The following EPHA10 variants were observed in gnomAD, a reference collection of about 807,000 sequenced individuals.
EPHA10 encodes the protein EPH receptor A10, also known as ephrin type-A receptor 10.
A neutral mutation model predicts 109.7 loss-of-function variants in EPHA10; 120 were observed. That is an observed-to-expected ratio of 1.09 (90% CI 0.94 to 1.27). The LOEUF (loss-of-function observed/expected upper bound fraction) is 1.27, where lower values mean the gene tolerates loss of function less well. EPHA10 is among the 50% of genes most tolerant of loss of function. The pLI, the probability that EPHA10 is intolerant of heterozygous loss-of-function variation, is 0.00. For synonymous variants in EPHA10, 640 were observed against 618.9 expected, an observed-to-expected ratio of 1.03 and a Z score of -0.51; for missense variants, 1,396 against 1,411.1, an observed-to-expected ratio of 0.99 and a Z score of 0.17.
intron 5 of EPHA10, among the ~76,000 whole-genome samples, chr1:37,745,879 T>C (rs1162229194): frequency 6.6e-6 from 1 of 151,992 alleles, no homozygotes; most frequent in Non-Finnish European, 1.5e-5. Context: ...CAAAGGTGGC[T>C]TTCCTAACAA....
chr1:37,718,954 T>A, intron 15 of EPHA10, 138 bp from the exon 16 acceptor site: 2 of 1,106,166 alleles, frequency 1.8e-6, no homozygotes, highest in Non-Finnish European at 1.3e-6. Context: ...CTGGCTCACA[T>A]GAGCACTGTG....
chr1:37,716,121 G>A lies in EPHA10; in HGVS notation c.*2251C>T, dbSNP rs1645687719. ...GGCTTGCAGGCCACCTCTGTCCAGT[G>A]AACAAGTTCCATATAAAAATAGATC... On this transcript the variant is annotated 3_prime_UTR_variant, in exon 17 of 17. Transcript: ENST00000373048. 1 of 439,716 alleles carries A rather than the reference G, an allele frequency of 2.3e-6. No individual in the cohort carries two copies. The allele number at this position is 439,716 out of a possible 1,614,324, so 27.2% of individuals were successfully genotyped here.
At chr1:37,744,499 A>G (rs973881568) in intron 5 of EPHA10, among the ~76,000 whole-genome samples, 1 of 138,732 alleles carries the variant, frequency 7.2e-6, no homozygotes, top group Non-Finnish European at 1.5e-5. Context: ...CAGCCCATCT[A>G]AAAAAAAAAA....
In EPHA10 at chr1:37,717,355, A is replaced by G. The variant is rs534058445; in HGVS notation, c.*1017T>C. ...GGCTGTACAGGGAAGTGGTGGTGCC[A>G]TAGGGCAGGACCAAGGACTCTCTCC... On this transcript the variant is annotated 3_prime_UTR_variant, in exon 17 of 17. Coordinates refer to ENST00000373048, the MANE Select transcript of EPHA10 (RefSeq NM_001099439.2). 2.2e-5 allele frequency: 5 copies of G among 232,368 alleles called. No individual in the cohort carries two copies. Among genetic ancestry groups the G allele is most frequent in the African/African-American group, 8.8e-5 (4 of 45,376 alleles). The allele number at this position is 232,368 out of a possible 1,614,324, so 14.4% of individuals were successfully genotyped here.
chr1:37,753,700 GCA>G (rs1646365030), intron 4 of EPHA10, among the ~76,000 whole-genome samples: 3 of 99,776 alleles, frequency 3.0e-5, no homozygotes, highest in Non-Finnish European at 4.7e-5. Flanking sequence ...GCGAGCGGGA[GCA>G]GGGGTGAGTG....
chr1:37,729,810 C>T (rs1334692831), intron 7 of EPHA10, among the ~76,000 whole-genome samples: 2 of 151,724 alleles, frequency 1.3e-5, no homozygotes, highest in Non-Finnish European at 2.9e-5. Flanking sequence ...AAAGTTGAGG[C>T]TGCAGGGAGC....
At chr1:37,747,732 C>A (rs1176842362) in intron 5 of EPHA10, among the ~76,000 whole-genome samples, 1 of 151,882 alleles carries the variant, frequency 6.6e-6, no homozygotes, top group Non-Finnish European at 1.5e-5. Flanking sequence ...GGTGCCACTG[C>A]ACTCCAGCCT....
Position 37,721,745 on chromosome 1 carries a change from CTGT to C in EPHA10, c.2058_2060del (p.Gln687del). On this transcript the variant is annotated inframe_deletion, in exon 11 of 17. Transcript: ENST00000373048. ...GGGCCTCGGCCAGGAAGCCGAGCCT[CTGT>C]GAGTCGGAGGCGCTGTCCCTCAGCA... 1 of 1,612,756 alleles carries C rather than the reference CTGT, an allele frequency of 6.2e-7. No homozygotes were observed. The highest frequency in any genetic ancestry group is 8.5e-7 in the Non-Finnish European group (1 of 1,179,898).
intron 5 of EPHA10, among the ~76,000 whole-genome samples, chr1:37,740,663 G>A (rs943550828): frequency 2.6e-5 from 4 of 152,078 alleles, no homozygotes; most frequent in African/African-American, 7.2e-5. Context: ...TTTGAGAACC[G>A]CCAGTCTGGA....
At chr1:37,751,770 G>A (rs1228258293) in intron 5 of EPHA10, among the ~76,000 whole-genome samples, 3 of 151,752 alleles carry the variant, frequency 2.0e-5, no homozygotes, top group Admixed American at 6.6e-5. Context: ...CTACTCGGGA[G>A]GCTAAGGCAG....
At position 37,723,051 on chromosome 1, in the gene EPHA10, G is replaced by T. The variant is rs966432285; in HGVS notation, c.1950C>A (p.Ser650Arg). ...GGGCGCCCAGCTTGCCTCCTCCAAGGCTCCTCTCCAGCGTGACGCTTTTCG... is the reference window on the plus strand; with the variant it reads ...GGGCGCCCAGCTTGCCTCCTCCAAGTCTCCTCTCCAGCGTGACGCTTTTCG... ...LDAKSVTLER[S>R]LGGGRFGELC... The change falls in exon 10 of 17, where the codon AGC (serine) becomes AGA (arginine). Residue 650 changes from serine to arginine, a missense_variant. Coordinates refer to ENST00000373048, the MANE Select transcript of EPHA10 (RefSeq NM_001099439.2). 8 of 1,614,036 alleles carry T rather than the reference G, an allele frequency of 5.0e-6. No individual in the cohort carries two copies. The highest frequency in any genetic ancestry group is 1.3e-5 in the African/African-American group (1 of 74,928).
intron 5 of EPHA10, among the ~76,000 whole-genome samples, chr1:37,736,650 G>C (rs376931879): frequency 6.6e-6 from 1 of 152,136 alleles, no homozygotes; most frequent in South Asian, 2.1e-4. Flanking sequence ...AGAGGTTACA[G>C]TGAGCCGAGA....
intron 5 of EPHA10, 25 bp from the exon 6 acceptor site, chr1:37,735,415 T>A: frequency 6.4e-7 from 1 of 1,573,250 alleles, no homozygotes; most frequent in East Asian, 2.3e-5. Context: ...CGTGGGATTC[T>A]CCACCTTGAC....
intron 3 of EPHA10, chr1:37,760,425 A>T: frequency 9.5e-7 from 1 of 1,055,748 alleles, no homozygotes; most frequent in Non-Finnish European, 1.1e-6. Context: ...AACCCTCAAC[A>T]TGAAGGATCT....
chr1:37,714,265 C>T (rs778518635), downstream of EPHA10, among the ~76,000 whole-genome samples: 22 of 152,132 alleles, frequency 1.4e-4, no homozygotes, highest in Non-Finnish European at 2.1e-4. Flanking sequence ...ATGAATGGCC[C>T]GGGCCAGGGA....
Position 37,754,165 on chromosome 1 carries a change from G to A in EPHA10, c.1006+50C>T. Reference sequence around the variant, plus strand: ...CACCTGGATCAGGCCTTCCTTCTTGGCCACTCCCACCCCCCACCCTCCGCA... The same window carrying A: ...CACCTGGATCAGGCCTTCCTTCTTGACCACTCCCACCCCCCACCCTCCGCA... On this transcript the variant is annotated intron_variant, in intron 4 of 16. Transcript: ENST00000373048. The surrounding 1 kb of genome is among the most constrained non-coding windows in gnomAD (Gnocchi z 4.5). The A allele has an allele frequency of 4.0e-6, 5 of 1,259,262 alleles. No homozygotes were observed. Among genetic ancestry groups the A allele is most frequent in the Non-Finnish European group, 4.0e-6 (4 of 994,792 alleles). The allele number at this position is 1,259,262 out of a possible 1,614,324, so 78.0% of individuals were successfully genotyped here. A position where few individuals can be genotyped will look rare whatever the true frequency, so the allele number is the denominator to read the frequency against.
chr1:37,715,609 A>G (rs1245909277), downstream of EPHA10, among the ~76,000 whole-genome samples: 1 of 152,164 alleles, frequency 6.6e-6, no homozygotes, highest in African/African-American at 2.4e-5. Flanking sequence ...TCCCACAGGC[A>G]TCTCAAACAC....
At chr1:37,751,408 A>T (rs1457056394) in intron 5 of EPHA10, among the ~76,000 whole-genome samples, 1 of 151,504 alleles carries the variant, frequency 6.6e-6, no homozygotes, top group African/African-American at 2.4e-5. Context: ...ATCTCTACTA[A>T]AAATACAAAA....
At chr1:37,737,267 A>G (rs1646084852) in intron 5 of EPHA10, among the ~76,000 whole-genome samples, 1 of 152,124 alleles carries the variant, frequency 6.6e-6, no homozygotes, top group South Asian at 2.1e-4. Flanking sequence ...TGGGCAACAC[A>G]GTGAGACTCC....
Sources: allele counts gnomAD v4.1 joint callset (sites outside exome capture counted in the v4.1 genomes callset), GRCh38; gene constraint gnomAD v4.1.1; non-coding constraint Gnocchi (gnomAD v3.1); transcripts MANE v1.5; gene names NCBI Gene and HGNC (gene_info 2026-07-23, HGNC 2026-07-21).